DNAH12: variants seen among roughly 807,000 people sequenced by gnomAD.
The protein encoded by DNAH12 is dynein axonemal heavy chain 12.
A neutral mutation model predicts 371.5 loss-of-function variants in DNAH12; 285 were observed. That is an observed-to-expected ratio of 0.77 (90% CI 0.70 to 0.85). DNAH12 has a LOEUF of 0.85. Among genes scored for constraint, DNAH12 ranks in the 40% least tolerant of loss-of-function variants. The pLI is 0.00. For missense variants in DNAH12, 3,611 were observed against 3,689.4 expected, an observed-to-expected ratio of 0.98 and a Z score of 0.55; for synonymous variants, 1,200 against 1,213.0, an observed-to-expected ratio of 0.99 and a Z score of 0.22.
intron 39 of DNAH12, among the ~76,000 whole-genome samples, chr3:57,412,545 T>C (rs1347588281): frequency 1.3e-5 from 2 of 152,122 alleles, no homozygotes; most frequent in African/African-American, 4.8e-5. Flanking sequence ...ACACATCTGA[T>C]AAAGGACTAT....
chr3:57,524,324 GTT>G (rs2068560272), intron 2 of DNAH12, among the ~76,000 whole-genome samples: 1 of 152,068 alleles, frequency 6.6e-6, no homozygotes. Context: ...TTTGTAAACT[GTT>G]TTATTCACTG....
the DNAH12 span, among the ~76,000 whole-genome samples, chr3:57,555,635 T>A: frequency 1.3e-5 from 2 of 152,246 alleles, no homozygotes; most frequent in African/African-American, 4.8e-5. Context: ...ATCTCGGGAC[T>A]CTGCATCTGT....
intron 27 of DNAH12, 129 bp downstream of exon 27, chr3:57,445,902 C>G: frequency 1.2e-6 from 1 of 800,176 alleles, no homozygotes; most frequent in Non-Finnish European, 1.8e-6. Flanking sequence ...GCAAGAGAAT[C>G]GCTTGAACCC....
intron 65 of DNAH12, among the ~76,000 whole-genome samples, chr3:57,316,107 ACTTT>A (rs1559547242): frequency 1.3e-5 from 2 of 150,272 alleles, no homozygotes; most frequent in Non-Finnish European, 2.9e-5. Flanking sequence ...ATTAAAACAT[ACTTT>A]CTTAAAAAAT....
intron 70 of DNAH12, among the ~76,000 whole-genome samples, chr3:57,299,201 C>T (rs1486874601): frequency 6.6e-6 from 1 of 152,186 alleles, no homozygotes; most frequent in Non-Finnish European, 1.5e-5. Flanking sequence ...AAAACCCACT[C>T]GCCCGTGGCT....
chr3:57,428,573 A>T, intron 34 of DNAH12, 60 bp downstream of exon 34: 1 of 1,511,342 alleles, frequency 6.6e-7, no homozygotes, highest in South Asian at 1.3e-5. Context: ...GTGACTTTAG[A>T]CTTAGTCAAG....
In DNAH12 at chr3:57,470,616, T is replaced by C; in HGVS notation, c.1932A>G (p.Gln644=). 6.5e-7 allele frequency: 1 copy of C among 1,539,318 alleles called. No homozygotes were observed. Among genetic ancestry groups the C allele is most frequent in the East Asian group, 2.5e-5 (1 of 40,772 alleles). ...CAGATTCCTGAATACGTTTTTGTAG[T>C]TGTCTTACATCTGTCACATACTGAA... ...RMQQYVTDVR[Q]LQKRIQESEE... The change falls in exon 16 of 74, where the codon CAA becomes CAG. Residue 644 remains glutamine (Q), a synonymous_variant. Coordinates refer to ENST00000495027, the MANE Select transcript of DNAH12 (RefSeq NM_001366028.2).
intron 44 of DNAH12, among the ~76,000 whole-genome samples, chr3:57,392,837 G>C (rs2063653581): frequency 6.6e-6 from 1 of 152,092 alleles, no homozygotes; most frequent in Admixed American, 6.5e-5. Context: ...GGAAAGCCTA[G>C]CAAAGCTTAG....
chr3:57,443,683 A>G (rs112290491), intron 29 of DNAH12, among the ~76,000 whole-genome samples: 5,391 of 152,132 alleles, frequency 0.035, 93 homozygotes, highest in African/African-American at 0.045. Context: ...TACCGTGTGC[A>G]TCTGTGTTAA....
chr3:57,451,703 C>T (rs983155702), intron 25 of DNAH12, among the ~76,000 whole-genome samples: 3 of 152,082 alleles, frequency 2.0e-5, no homozygotes, highest in Admixed American at 6.6e-5. Flanking sequence ...TGAGCAGAGC[C>T]GGAGAGCGCG....
At position 57,415,473 on chromosome 3, in the gene DNAH12, G is replaced by C. The variant is rs1418144520; in HGVS notation, c.5806C>G (p.Pro1936Ala). The change falls in exon 38 of 74, where the codon CCT (proline) becomes GCT (alanine). Residue 1936 changes from proline (P) to alanine (A), a missense_variant. Pro to Ala is a conservative substitution (Grantham distance 27, BLOSUM62 -1). Transcript: ENST00000495027. ...CGTGCAGATAAGTTAATATAAAAAG[G>C]AAAGTACTGGTCCTTTTCCAAGTGA... ...MNHLEKDQYFPFYINLSARTS... is the reference protein window; with the variant it reads ...MNHLEKDQYFAFYINLSARTS... 6.4e-7 allele frequency: 1 copy of C among 1,551,114 alleles called. No individual in the cohort carries two copies. The highest frequency in any genetic ancestry group is 8.7e-7 in the Non-Finnish European group (1 of 1,146,916).
At chr3:57,528,830 C>T (rs2068740394) in intron 2 of DNAH12, among the ~76,000 whole-genome samples, 3 of 150,534 alleles carry the variant, frequency 2.0e-5, no homozygotes, top group Non-Finnish European at 4.4e-5. Context: ...CGGAGTTTTG[C>T]TCTTTGTTGC....
chr3:57,329,098 G>A (rs1384494272), intron 62 of DNAH12, among the ~76,000 whole-genome samples: 3 of 148,810 alleles, frequency 2.0e-5, no homozygotes, highest in Non-Finnish European at 3.0e-5. Context: ...CATGCTCATG[G>A]GTAGGAAGAA....
intron 67 of DNAH12, 121 bp from the exon 68 acceptor site, chr3:57,309,975 A>C: frequency 1.4e-6 from 1 of 736,342 alleles, no homozygotes; most frequent in Non-Finnish European, 2.0e-6. Flanking sequence ...GAAGCCAATT[A>C]ATAATTAACA....
At chr3:57,442,886 C>T (rs2065352972) in intron 29 of DNAH12, among the ~76,000 whole-genome samples, 1 of 152,066 alleles carries the variant, frequency 6.6e-6, no homozygotes, top group African/African-American at 2.4e-5. Flanking sequence ...TTTGACAGCT[C>T]AAACAAAAAG....
chr3:57,296,695 A>G (rs1487435182), intron 71 of DNAH12, among the ~76,000 whole-genome samples, 152 bp downstream of exon 71: 3 of 152,378 alleles, frequency 2.0e-5, no homozygotes, highest in Admixed American at 1.3e-4. Flanking sequence ...AAATATTGCA[A>G]TATATAAAAG....
intron 44 of DNAH12, among the ~76,000 whole-genome samples, chr3:57,393,349 C>T (rs1489274960): frequency 3.3e-5 from 5 of 151,904 alleles, no homozygotes; most frequent in Non-Finnish European, 5.9e-5. Flanking sequence ...CTAAAGTGGC[C>T]GGGCGAGGTG....
intron 13 of DNAH12, among the ~76,000 whole-genome samples, chr3:57,473,342 C>T (rs1014969621): frequency 2.0e-5 from 3 of 152,096 alleles, no homozygotes; most frequent in African/African-American, 7.2e-5. Context: ...CAAAAATTAG[C>T]TGGGCTTGGT....
At chr3:57,526,069 C>CT (rs929456292) in intron 2 of DNAH12, among the ~76,000 whole-genome samples, 3 of 151,810 alleles carry the variant, frequency 2.0e-5, no homozygotes, top group Non-Finnish European at 2.9e-5. Flanking sequence ...GGCCTTTTTT[C>CT]TTTTTTTGTA....
Sources: allele counts gnomAD v4.1 joint callset (sites outside exome capture counted in the v4.1 genomes callset), GRCh38; gene constraint gnomAD v4.1.1; transcripts MANE v1.5; gene names NCBI Gene and HGNC (gene_info 2026-07-23, HGNC 2026-07-21).